CYP4F3: variants seen among roughly 807,000 people sequenced by gnomAD.
CYP4F3 encodes cytochrome P450 4F3.
A neutral mutation model predicts 54.8 loss-of-function variants in CYP4F3; 50 were observed. The ratio of observed to expected loss-of-function variants is 0.91; its 90% CI spans 0.73 to 1.16. CYP4F3 has a LOEUF of 1.16. CYP4F3 is among the 50% of genes most tolerant of loss of function. CYP4F3 has a pLI of 0.00. For synonymous variants in CYP4F3, 244 were observed against 262.6 expected, an observed-to-expected ratio of 0.93 and a Z score of 0.69; for missense variants, 715 against 676.2, an observed-to-expected ratio of 1.06 and a Z score of -0.64.
intron 9 of CYP4F3, among the ~76,000 whole-genome samples, chr19:15,655,044 G>C (rs1213215722): frequency 6.6e-6 from 1 of 152,118 alleles, no homozygotes. Context: ...ATCATTGCCT[G>C]TCTTTTTGAT....
At chr19:15,654,502 C>T (rs1239182053) in intron 9 of CYP4F3, among the ~76,000 whole-genome samples, 2 of 152,202 alleles carry the variant, frequency 1.3e-5, no homozygotes, top group East Asian at 1.9e-4. Flanking sequence ...CAAATTCGTA[C>T]CCATTAATCA....
chr19:15,652,553 A>T lies in CYP4F3; in HGVS notation c.919-16A>T. The stretch of plus-strand genomic sequence containing the variant: ...TTTATGGGGGTGGGGGTGGGGGGTT[A>T]TTGCCTTCTCTCCAGGATGAAGATG... On this transcript the variant is annotated splice_polypyrimidine_tract_variant and intron_variant, in intron 7 of 12. Coordinates refer to ENST00000221307, the MANE Select transcript of CYP4F3 (RefSeq NM_000896.3). The T allele has an allele frequency of 6.2e-7, 1 of 1,613,018 alleles. No homozygotes were observed. Among genetic ancestry groups the T allele is most frequent in the Non-Finnish European group, 8.5e-7 (1 of 1,179,716 alleles).
chr19:15,641,270 C>T, intron 1 of CYP4F3, 145 bp from the exon 2 acceptor site: 1 of 1,071,278 alleles, frequency 9.3e-7, no homozygotes, highest in East Asian at 2.5e-5. Context: ...GACTTTACCC[C>T]TCAGCCCCTG....
At chr19:15,643,319 T>C (rs1423428350) in intron 2 of CYP4F3, among the ~76,000 whole-genome samples, 1 of 66,350 alleles carries the variant, frequency 1.5e-5, no homozygotes, top group Non-Finnish European at 3.5e-5. Context: ...ATAGATTAGA[T>C]AGATAGATAG....
chr19:15,656,524 T>TCTATGTATCTATCTATCTATCTATC (rs60912344), intron 9 of CYP4F3, among the ~76,000 whole-genome samples: 7,635 of 70,594 alleles, frequency 0.11, 289 homozygotes, highest in Middle Eastern at 0.17. Flanking sequence ...TATCTATCTA[T>TCTATGTATCTATCTATCTATCTATC]TTCTATCATC....
At chr19:15,648,355 A>G (rs1219359338) in intron 5 of CYP4F3, among the ~76,000 whole-genome samples, 1 of 151,902 alleles carries the variant, frequency 6.6e-6, no homozygotes, top group East Asian at 1.9e-4. Context: ...CATATATTGC[A>G]TTACAGGGAA....
chr19:15,651,964 C>A (rs1221229737), intron 7 of CYP4F3, among the ~76,000 whole-genome samples: 1 of 152,140 alleles, frequency 6.6e-6, no homozygotes. Flanking sequence ...AGTCAAATTC[C>A]TCCAAGGGCA....
At chr19:15,643,139 A>G (rs1017968835) in intron 2 of CYP4F3, among the ~76,000 whole-genome samples, 4 of 151,932 alleles carry the variant, frequency 2.6e-5, no homozygotes, top group South Asian at 2.1e-4. Context: ...AGATAGGATG[A>G]ATAGATTAGA....
intron 9 of CYP4F3, among the ~76,000 whole-genome samples, chr19:15,653,517 G>T (rs1972922757): frequency 6.6e-6 from 1 of 152,114 alleles, no homozygotes; most frequent in Admixed American, 6.5e-5. Context: ...TATTTTCCAG[G>T]TGCTCCCAGC....
intron 7 of CYP4F3, 68 bp downstream of exon 7, chr19:15,650,251 A>G (rs1159852380): frequency 1.2e-6 from 2 of 1,613,794 alleles, no homozygotes; most frequent in African/African-American, 2.7e-5. Context: ...AGATGAAAGA[A>G]TTTGAACTTG....
At chr19:15,651,369 T>C (rs1388628842) in intron 7 of CYP4F3, among the ~76,000 whole-genome samples, 3 of 92,284 alleles carry the variant, frequency 3.3e-5, no homozygotes, top group Non-Finnish European at 6.4e-5. Context: ...TCTATATCTT[T>C]GTCTTTTTTT....
chr19:15,653,166 A>C (rs776404733), intron 9 of CYP4F3, among the ~76,000 whole-genome samples: 81 of 152,250 alleles, frequency 5.3e-4, no homozygotes, highest in Non-Finnish European at 9.7e-4. Flanking sequence ...TTCTGAGAGA[A>C]TTGTTGATGA....
Position 15,656,505 on chromosome 19 carries a change from CTATCTATCTATCTATCTAT to C in CYP4F3, c.1116-1757_1116-1739del, listed in dbSNP as rs1254924420. ...TCTATCTATCTATCTATCTATCTAT[CTATCTATCTATCTATCTAT>C]TTCTATCATCTATCAATGTATCTAT... On this transcript the variant is annotated intron_variant, in intron 9 of 12. Transcript: ENST00000221307. Among the ~76,000 whole-genome samples, 580 of 59,944 alleles carry C rather than the reference CTATCTATCTATCTATCTAT, an allele frequency of 9.7e-3. 4 individuals are homozygous for C. The highest frequency in any genetic ancestry group is 0.038 in the African/African-American group (398 of 10,540). The allele number at this position is 59,944 out of a possible 152,430, so 39.3% of individuals were successfully genotyped here.
At chr19:15,648,747 C>A (rs28371476) in intron 5 of CYP4F3, among the ~76,000 whole-genome samples, 4,283 of 152,210 alleles carry the variant, frequency 0.028, 196 homozygotes, top group African/African-American at 0.096. Context: ...GATGAAACTG[C>A]AGGTCTGAGA....
In CYP4F3 at chr19:15,658,826, T is replaced by A; in HGVS notation, c.1397+17T>A. On this transcript the variant is annotated intron_variant, in intron 12 of 12. Coordinates refer to ENST00000221307, the MANE Select transcript of CYP4F3 (RefSeq NM_000896.3). ...AGGGCCCAGGTAAGAGCGGCCTGTG[T>A]TTGAGGCGGGGACGGGGAGATAGGT... 1 of 1,613,554 alleles carries A rather than the reference T, an allele frequency of 6.2e-7. No individual in the cohort carries two copies. The highest frequency in any genetic ancestry group is 8.5e-7 in the Non-Finnish European group (1 of 1,179,686).
intron 2 of CYP4F3, 131 bp downstream of exon 2, chr19:15,641,744 C>A: frequency 9.7e-7 from 1 of 1,026,934 alleles, no homozygotes; most frequent in South Asian, 1.5e-5. Context: ...GCGTCTTACT[C>A]ATTCCTCTGC....
intron 8 of CYP4F3, 58 bp from the exon 9 acceptor site, chr19:15,652,765 G>A (rs1193045549): frequency 3.1e-6 from 5 of 1,600,924 alleles, no homozygotes; most frequent in Admixed American, 1.7e-5. Flanking sequence ...CAAGGTTGCT[G>A]TACACCCTCG....
At chr19:15,641,663 C>T in intron 2 of CYP4F3, 50 bp downstream of exon 2, 3 of 1,418,868 alleles carry the variant, frequency 2.1e-6, no homozygotes, top group Non-Finnish European at 2.9e-6. Context: ...GATGGACTTC[C>T]TGAGGGGTAA....
chr19:15,648,731 G>A (rs534263336), intron 5 of CYP4F3, among the ~76,000 whole-genome samples: 2 of 152,282 alleles, frequency 1.3e-5, no homozygotes, highest in South Asian at 4.1e-4. Context: ...CTGCCCCATG[G>A]TAGATGATGA....
Sources: allele counts gnomAD v4.1 joint callset (sites outside exome capture counted in the v4.1 genomes callset), GRCh38; gene constraint gnomAD v4.1.1; transcripts MANE v1.5; gene names NCBI Gene and HGNC (gene_info 2026-07-23, HGNC 2026-07-21).